Variants in RELN observed in about 807,000 individuals in gnomAD.
The protein encoded by RELN is reelin.
RELN carries 108 observed loss-of-function variants against 427.6 expected under a neutral mutation model. The ratio of observed to expected loss-of-function variants is 0.25; its 90% CI spans 0.22 to 0.30. The LOEUF is 0.30. Ranked by LOEUF, RELN falls within the 10% of genes least tolerant of loss-of-function variation. The pLI, the probability that RELN is intolerant of heterozygous loss-of-function variation, is 1.00. For synonymous variants in RELN, 1,524 were observed against 1,513.4 expected (o/e 1.01, Z -0.16); for missense variants, 3,715 against 4,302.8 (o/e 0.86, Z 3.82).
chr7:103,558,824 C>G (rs1307021678), intron 36 of RELN, among the ~76,000 whole-genome samples: 2 of 152,188 alleles, frequency 1.3e-5, no homozygotes, highest in African/African-American at 4.8e-5. Flanking sequence ...TCAGCTGCAA[C>G]TTCTGAATGA....
chr7:103,766,430 C>T (rs892615538), intron 4 of RELN, among the ~76,000 whole-genome samples: 3 of 152,120 alleles, frequency 2.0e-5, no homozygotes, highest in African/African-American at 7.2e-5. Flanking sequence ...AAAGACTTTG[C>T]ATTTCAGGGT....
At chr7:103,860,516 C>T (rs559653814) in intron 2 of RELN, among the ~76,000 whole-genome samples, 33 of 152,124 alleles carry the variant, frequency 2.2e-4, no homozygotes, top group African/African-American at 6.5e-4. Flanking sequence ...ATTAGAACTA[C>T]GTTTATTGAT....
rs10236350 is a variant in RELN at position 103,491,753 on chromosome 7, T to C, written c.9443+200A>G. ...CTGAGGCAGGAGAACCGCTTGAACC[T>C]GGGAGGCGGAGGTTGCGGTGAGCCG... On this transcript the variant is annotated intron_variant, in intron 58 of 64. Coordinates refer to ENST00000428762, the MANE Select transcript of RELN (RefSeq NM_005045.4). Among the ~76,000 whole-genome samples the C allele has an allele frequency of 0.15, 22,864 of 151,308 alleles. 2,043 individuals are homozygous for C. The highest frequency in any genetic ancestry group is 0.25 in the African/African-American group (10,218 of 41,130).
intron 28 of RELN, among the ~76,000 whole-genome samples, chr7:103,584,376 A>G (rs1831222730): frequency 6.6e-6 from 1 of 152,200 alleles, no homozygotes; most frequent in Non-Finnish European, 1.5e-5. Flanking sequence ...AAAAAGATAT[A>G]CCACACAAAT....
Position 103,953,630 on chromosome 7 carries a change from T to G in RELN, c.226+35501A>C, listed in dbSNP as rs1453756169. ...GTAAAATTGTTTCAGTAAAAATAAA[T>G]GATCAAAACTTACCAGCCTCCACTG... On this transcript the variant is annotated intron_variant, in intron 1 of 64. Transcript: ENST00000428762. This position sits in a 1 kb window ranked among gnomAD's most constrained non-coding sequence, Gnocchi z 4.3. Among the ~76,000 whole-genome samples the G allele has an allele frequency of 6.6e-6, 1 of 152,188 alleles. No homozygotes were observed. The highest frequency in any genetic ancestry group is 1.5e-5 in the Non-Finnish European group (1 of 68,026).
intron 6 of RELN, among the ~76,000 whole-genome samples, chr7:103,734,317 T>G (rs1453477868): frequency 6.6e-6 from 1 of 152,050 alleles, no homozygotes; most frequent in Non-Finnish European, 1.5e-5. Context: ...GGATCAGAAA[T>G]GAATTGCTTC....
At chr7:103,842,345 G>T (rs926160238) in intron 2 of RELN, among the ~76,000 whole-genome samples, 1 of 151,550 alleles carries the variant, frequency 6.6e-6, no homozygotes, top group Non-Finnish European at 1.5e-5. Context: ...ATGAATTATA[G>T]AATTCCTTTT....
chr7:103,495,096 T>G (rs745721362), intron 57 of RELN, among the ~76,000 whole-genome samples: 8 of 151,834 alleles, frequency 5.3e-5, no homozygotes, highest in Non-Finnish European at 1.2e-4. Context: ...AGATTACATA[T>G]ATAAGATAGA....
At chr7:103,663,493 C>T (rs1354944829) in intron 11 of RELN, among the ~76,000 whole-genome samples, 1 of 152,174 alleles carries the variant, frequency 6.6e-6, no homozygotes, top group Non-Finnish European at 1.5e-5. Flanking sequence ...ACAATTCATG[C>T]CATTAGCACA....
intron 1 of RELN, among the ~76,000 whole-genome samples, chr7:103,986,878 C>T (rs1280517857): frequency 1.3e-5 from 2 of 151,612 alleles, no homozygotes; most frequent in African/African-American, 2.4e-5. Flanking sequence ...GGGCCAACCA[C>T]AAAAGTACAT....
chr7:103,859,560 T>G (rs1450448210), intron 2 of RELN, among the ~76,000 whole-genome samples: 1 of 152,224 alleles, frequency 6.6e-6, no homozygotes, highest in Non-Finnish European at 1.5e-5. Context: ...CCCAAAGTGC[T>G]GGGATTATAG....
intron 3 of RELN, among the ~76,000 whole-genome samples, chr7:103,794,119 G>C (rs1249677597): frequency 2.6e-5 from 4 of 152,034 alleles, no homozygotes; most frequent in African/African-American, 9.7e-5. Flanking sequence ...TTAATTTTAA[G>C]GGTATTTAAA....
chr7:103,841,344 T>C (rs986091111), intron 2 of RELN, among the ~76,000 whole-genome samples: 4 of 152,232 alleles, frequency 2.6e-5, no homozygotes, highest in Middle Eastern at 3.2e-3. Context: ...TTAAAATCAT[T>C]GTCATACAAA....
chr7:103,648,995 T>G (rs1278759219), intron 16 of RELN, among the ~76,000 whole-genome samples: 1 of 151,978 alleles, frequency 6.6e-6, no homozygotes, highest in South Asian at 2.1e-4. Flanking sequence ...GGTGGGAATT[T>G]AAATTAGTAA....
chr7:103,929,776 G>C (rs1016083204), intron 1 of RELN, among the ~76,000 whole-genome samples: 1 of 152,148 alleles, frequency 6.6e-6, no homozygotes, highest in African/African-American at 2.4e-5. Context: ...GAAAACACTT[G>C]TTTACAATAG....
chr7:103,687,573 C>T (rs888417689), intron 10 of RELN, among the ~76,000 whole-genome samples: 1 of 152,222 alleles, frequency 6.6e-6, no homozygotes, highest in Non-Finnish European at 1.5e-5. Flanking sequence ...TTTTCCCCAT[C>T]TTCATTCATT....
At position 103,665,558 on chromosome 7, in the gene RELN, C is replaced by G. The variant is rs190040816; in HGVS notation, c.1290-4031G>C. ...ACCCTACTTGGATCTCGACAAGAAT[C>G]CGATGTCTCTTTAGTTACTGATAAG... On this transcript the variant is annotated intron_variant, in intron 11 of 64. Coordinates refer to ENST00000428762, the MANE Select transcript of RELN (RefSeq NM_005045.4). Among the ~76,000 whole-genome samples the G allele has an allele frequency of 1.7e-3, 265 of 152,192 alleles. 1 individual carries two copies. Among genetic ancestry groups the G allele is most frequent in the Admixed American group, 5.4e-3 (82 of 15,278 alleles).
intron 40 of RELN, among the ~76,000 whole-genome samples, chr7:103,551,895 C>T (rs537644515): frequency 4.6e-5 from 7 of 151,732 alleles, no homozygotes; most frequent in Non-Finnish European, 1.0e-4. Context: ...AGTGAATTAA[C>T]CTATCTATCA....
At chr7:103,700,837 G>T in intron 9 of RELN, 73 bp downstream of exon 9, 2 of 909,028 alleles carry the variant, frequency 2.2e-6, no homozygotes, top group Non-Finnish European at 3.7e-6. Context: ...GTTAGTGGTG[G>T]ATTGAAGGCA....
Sources: gnomAD v4.1 joint callset for allele counts (sites outside exome capture counted in the v4.1 genomes callset) on GRCh38, gnomAD v4.1.1 for gene constraint, Gnocchi (gnomAD v3.1) non-coding constraint, MANE v1.5 for transcripts, NCBI Gene and HGNC (gene_info 2026-07-23, HGNC 2026-07-21) for gene names.